The following AFG2A variants were observed in gnomAD, a reference collection of about 807,000 sequenced individuals.
AFG2A encodes the protein AAA ATPase AFG2A.
At chr4:122,926,514 CAT>C in the AFG2A span, among the ~76,000 whole-genome samples, 1 of 152,128 alleles carries the variant, frequency 6.6e-6, no homozygotes, top group South Asian at 2.1e-4. Context: ...ATTTGCACCT[CAT>C]ATAAGAAGGA....
chr4:123,150,250 AC>A, the AFG2A span, among the ~76,000 whole-genome samples: 2 of 152,226 alleles, frequency 1.3e-5, no homozygotes, highest in Non-Finnish European at 2.9e-5. Context: ...CTCCTGTTCA[AC>A]ATAGTATTGG....
chr4:123,198,645 A>G, the AFG2A span, among the ~76,000 whole-genome samples: 1 of 152,206 alleles, frequency 6.6e-6, no homozygotes, highest in Non-Finnish European at 1.5e-5. Flanking sequence ...TTCCTGCCTT[A>G]GGATTGGGTC....
At chr4:123,299,821 A>G in the AFG2A span, among the ~76,000 whole-genome samples, 2 of 152,240 alleles carry the variant, frequency 1.3e-5, no homozygotes, top group Non-Finnish European at 2.9e-5. Flanking sequence ...TCCTTTAAAA[A>G]TTCACCATTA....
At chr4:122,974,010 T>C in the AFG2A span, among the ~76,000 whole-genome samples, 1 of 152,184 alleles carries the variant, frequency 6.6e-6, no homozygotes, top group East Asian at 1.9e-4. Flanking sequence ...TTTGAAAAAT[T>C]CCATGTTTCT....
chr4:122,978,415 C>T, the AFG2A span, among the ~76,000 whole-genome samples: 26 of 152,160 alleles, frequency 1.7e-4, no homozygotes, highest in African/African-American at 4.1e-4. Context: ...CTGGCTGAGT[C>T]GGGTTTTTAT....
the AFG2A span, among the ~76,000 whole-genome samples, chr4:123,240,921 A>G: frequency 6.6e-6 from 1 of 152,184 alleles, no homozygotes; most frequent in Non-Finnish European, 1.5e-5. Flanking sequence ...GAAGAATGAA[A>G]TAGACGCAAT....
At chr4:123,036,837 A>C in the AFG2A span, among the ~76,000 whole-genome samples, 6 of 152,018 alleles carry the variant, frequency 3.9e-5, no homozygotes, top group Non-Finnish European at 8.8e-5. Flanking sequence ...CAGGGTTTTT[A>C]CTTGCCCACA....
the AFG2A span, among the ~76,000 whole-genome samples, chr4:122,949,937 T>C: frequency 6.6e-6 from 1 of 152,212 alleles, no homozygotes; most frequent in African/African-American, 2.4e-5. Flanking sequence ...TCGGGCTGGT[T>C]TGCCATTTCC....
the AFG2A span, among the ~76,000 whole-genome samples, chr4:123,262,364 C>T: frequency 5.3e-5 from 8 of 152,054 alleles, no homozygotes; most frequent in Non-Finnish European, 8.8e-5. Context: ...AGTGCTGTAG[C>T]GAAAGAACTA....
the AFG2A span, among the ~76,000 whole-genome samples, chr4:123,300,335 G>A: frequency 7.8e-4 from 118 of 152,234 alleles, 1 homozygote; most frequent in African/African-American, 2.2e-3. Flanking sequence ...GCTTTTACAC[G>A]TATGTGTTAT....
At chr4:122,970,672 C>T in the AFG2A span, among the ~76,000 whole-genome samples, 1 of 151,724 alleles carries the variant, frequency 6.6e-6, no homozygotes, top group Non-Finnish European at 1.5e-5. Context: ...AGCTTAGAAG[C>T]AATAGGCTAT....
the AFG2A span, chr4:123,315,879 A>C: frequency 6.6e-6 from 1 of 152,062 alleles, no homozygotes; most frequent in Non-Finnish European, 1.5e-5. Context: ...CTGGAGCTCA[A>C]GTGATCCTCC....
chr4:123,127,402 A>G, the AFG2A span, among the ~76,000 whole-genome samples: 13 of 152,296 alleles, frequency 8.5e-5, no homozygotes, highest in African/African-American at 1.4e-4. Context: ...TCATTCAACT[A>G]TCTTATGGGA....
chr4:123,025,070 A>C, the AFG2A span, among the ~76,000 whole-genome samples: 2 of 152,344 alleles, frequency 1.3e-5, no homozygotes, highest in African/African-American at 4.8e-5. Context: ...CAGAGACAAC[A>C]GCAATTAAAT....
the AFG2A span, among the ~76,000 whole-genome samples, chr4:122,994,422 A>G: frequency 6.6e-6 from 1 of 152,170 alleles, no homozygotes; most frequent in African/African-American, 2.4e-5. Context: ...TATGTACACC[A>G]TAACAATTTT....
At chr4:123,310,528 A>T in the AFG2A span, among the ~76,000 whole-genome samples, 1 of 152,006 alleles carries the variant, frequency 6.6e-6, no homozygotes, top group Admixed American at 6.6e-5. Flanking sequence ...TTCTCTCCAC[A>T]CTAAAGCCCT....
chr4:123,054,772 CATCTT>C, the AFG2A span, among the ~76,000 whole-genome samples: 2 of 152,112 alleles, frequency 1.3e-5, no homozygotes, highest in African/African-American at 4.8e-5. Flanking sequence ...ACCCCACTCT[CATCTT>C]CACATTTTGC....
chr4:123,160,908 G>T, the AFG2A span, among the ~76,000 whole-genome samples: 8 of 152,048 alleles, frequency 5.3e-5, no homozygotes, highest in Admixed American at 3.9e-4. Context: ...TAATAAAGTA[G>T]AACAATTATA....
the AFG2A span, among the ~76,000 whole-genome samples, chr4:123,109,772 G>A: frequency 6.6e-6 from 1 of 152,050 alleles, no homozygotes; most frequent in Admixed American, 6.5e-5. Context: ...TAATGCAAGG[G>A]AAGCATTTTT....
Sources: allele counts gnomAD v4.1 joint callset (sites outside exome capture counted in the v4.1 genomes callset), GRCh38; gene constraint gnomAD v4.1.1; transcripts MANE v1.5; gene names NCBI Gene and HGNC (gene_info 2026-07-23, HGNC 2026-07-21).